ATRNL1: variants seen among roughly 807,000 people sequenced by gnomAD.
ATRNL1 encodes the protein attractin-like protein 1.
A neutral mutation model predicts 182.7 loss-of-function variants in ATRNL1; 95 were observed. The observed-to-expected ratio is 0.52, with a 90% confidence interval of 0.44 to 0.62. The LOEUF is 0.62. Among genes scored for constraint, ATRNL1 ranks in the 20% least tolerant of loss-of-function variants. The probability of loss-of-function intolerance (pLI) is 0.00; values close to 1 mark genes in which losing one functional copy is unlikely to be tolerated. For synonymous variants in ATRNL1, 576 were observed against 568.3 expected, an observed-to-expected ratio of 1.01 and a Z score of -0.19; for missense variants, 1,471 against 1,679.5, an observed-to-expected ratio of 0.88 and a Z score of 2.17.
At chr10:115,418,377 A>C (rs2047948885) in intron 20 of ATRNL1, among the ~76,000 whole-genome samples, 1 of 152,212 alleles carries the variant, frequency 6.6e-6, no homozygotes, top group Non-Finnish European at 1.5e-5. Context: ...GTGAGTTCAA[A>C]GGTAGGCTAT....
intron 26 of ATRNL1, among the ~76,000 whole-genome samples, chr10:115,692,178 CAA>C (rs1287621749): frequency 6.6e-6 from 1 of 152,104 alleles, no homozygotes; most frequent in East Asian, 1.9e-4. Context: ...CTATTTCCTC[CAA>C]CTATAGTAAG....
intron 26 of ATRNL1, among the ~76,000 whole-genome samples, chr10:115,638,041 T>C (rs555793947): frequency 1.3e-5 from 2 of 152,186 alleles, no homozygotes; most frequent in Admixed American, 6.6e-5. Context: ...TAAAGTAGTA[T>C]ACATTAATGT....
intron 27 of ATRNL1, among the ~76,000 whole-genome samples, chr10:115,769,572 T>C (rs1185159484): frequency 2.0e-5 from 3 of 152,154 alleles, no homozygotes; most frequent in Non-Finnish European, 4.4e-5. Context: ...CTCAGTACAT[T>C]GTAGTAACGG....
At chr10:115,360,601 C>CAA (rs35218125) in intron 19 of ATRNL1, among the ~76,000 whole-genome samples, 175 of 146,628 alleles carry the variant, frequency 1.2e-3, no homozygotes, top group African/African-American at 2.9e-3. Context: ...TTTTTTAAAG[C>CAA]AAAAAAAAAA....
intron 5 of ATRNL1, among the ~76,000 whole-genome samples, chr10:115,152,210 T>C (rs562724178): frequency 9.9e-5 from 15 of 152,266 alleles, no homozygotes; most frequent in Admixed American, 3.3e-4. Flanking sequence ...CTTTTTTGGT[T>C]CCATATGAAC....
At chr10:115,290,603 C>T (rs1554920549) in intron 15 of ATRNL1, among the ~76,000 whole-genome samples, 1 of 152,136 alleles carries the variant, frequency 6.6e-6, no homozygotes, top group African/African-American at 2.4e-5. Flanking sequence ...TTGCAGTGAG[C>T]TGAGGTCGTG....
At chr10:115,604,032 A>C (rs1308914003) in intron 26 of ATRNL1, among the ~76,000 whole-genome samples, 1 of 152,094 alleles carries the variant, frequency 6.6e-6, no homozygotes, top group African/African-American at 2.4e-5. Flanking sequence ...ATCTGCATAT[A>C]ATGTGTCATT....
At chr10:115,647,190 A>G (rs1440072121) in intron 26 of ATRNL1, among the ~76,000 whole-genome samples, 1 of 152,044 alleles carries the variant, frequency 6.6e-6, no homozygotes, top group Non-Finnish European at 1.5e-5. Flanking sequence ...TTCTTAATCC[A>G]GTCTATCACT....
At chr10:115,207,305 G>T (rs368854933) in intron 8 of ATRNL1, among the ~76,000 whole-genome samples, 1 of 152,060 alleles carries the variant, frequency 6.6e-6, no homozygotes, top group African/African-American at 2.4e-5. Flanking sequence ...AATCCCACCA[G>T]CAGTGTAAAA....
intron 26 of ATRNL1, among the ~76,000 whole-genome samples, chr10:115,696,299 TC>T (rs1270193450): frequency 1.3e-5 from 2 of 152,126 alleles, no homozygotes; most frequent in African/African-American, 4.8e-5. Flanking sequence ...CTGTGCATGG[TC>T]TTTATAATGG....
intron 26 of ATRNL1, among the ~76,000 whole-genome samples, chr10:115,677,550 C>A (rs1555043410): frequency 6.6e-6 from 1 of 152,052 alleles, no homozygotes; most frequent in Admixed American, 6.6e-5. Context: ...CTCACGAGAT[C>A]TGATGGGTTT....
At chr10:115,486,160 G>A (rs1849013606) in intron 24 of ATRNL1, among the ~76,000 whole-genome samples, 1 of 152,092 alleles carries the variant, frequency 6.6e-6, no homozygotes, top group Non-Finnish European at 1.5e-5. Context: ...GAGCATTTGG[G>A]TTGGTTCCAA....
In ATRNL1 at chr10:115,286,241, T is replaced by C; in HGVS notation, c.2259T>C (p.Ser753=). ...CTCATCTTTGTGGAGAAGGATGGAG[T>C]CATATTGGGGATGCTTGTCTTAGAG... ...LPAHLCGEGW[S]HIGDACLRVN... is the part of the protein sequence containing the mutation. The change falls in exon 15 of 29, where the codon AGT becomes AGC. Residue 753 remains serine, a synonymous_variant. Coordinates refer to ENST00000355044, the MANE Select transcript of ATRNL1 (RefSeq NM_207303.4). 6.3e-7 allele frequency: 1 copy of C among 1,589,054 alleles called. No individual in the cohort carries two copies. Among genetic ancestry groups the C allele is most frequent in the East Asian group, 2.3e-5 (1 of 44,344 alleles).
Position 115,301,965 on chromosome 10 carries a change from C to G in ATRNL1, c.2740C>G (p.Arg914Gly), listed in dbSNP as rs555650933. The G allele has an allele frequency of 1.2e-6, 2 of 1,614,052 alleles. No homozygotes were observed. Among genetic ancestry groups the G allele is most frequent in the South Asian group, 2.2e-5 (2 of 91,070 alleles). ...GTGTATGTGGTGCAGCAGTACGAAACGATGTGTTGACTCTAATGCCTATAT... is the reference window on the plus strand; with the variant it reads ...GTGTATGTGGTGCAGCAGTACGAAAGGATGTGTTGACTCTAATGCCTATAT... The part of the protein sequence containing the change: ...MECMWCSSTK[R>G]CVDSNAYIIS... Residue 914 changes from arginine (R) to glycine (G), a missense_variant, in exon 17 of 29, where the codon CGA (arginine) becomes GGA (glycine). Coordinates refer to ENST00000355044, the MANE Select transcript of ATRNL1 (RefSeq NM_207303.4).
chr10:115,381,925 A>G (rs540374130), intron 19 of ATRNL1, among the ~76,000 whole-genome samples: 1 of 152,110 alleles, frequency 6.6e-6, no homozygotes, highest in African/African-American at 2.4e-5. Flanking sequence ...ATGCATATCT[A>G]GTTGTCCTGC....
At chr10:115,684,124 G>A (rs1439066710) in intron 26 of ATRNL1, among the ~76,000 whole-genome samples, 1 of 151,456 alleles carries the variant, frequency 6.6e-6, no homozygotes, top group African/African-American at 2.4e-5. Context: ...TAATTGTAAG[G>A]AAAGTTGTTT....
chr10:115,678,194 C>T (rs1419350195), intron 26 of ATRNL1, among the ~76,000 whole-genome samples: 2 of 151,914 alleles, frequency 1.3e-5, no homozygotes, highest in Non-Finnish European at 2.9e-5. Context: ...TGGTTTTTAC[C>T]AAGCATTATT....
chr10:115,709,739 C>G (rs1443700553), intron 26 of ATRNL1, among the ~76,000 whole-genome samples: 15 of 151,792 alleles, frequency 9.9e-5, no homozygotes, highest in African/African-American at 3.6e-4. Context: ...TTATTCTAAC[C>G]CAAATTATTT....
intron 28 of ATRNL1, among the ~76,000 whole-genome samples, chr10:115,864,809 C>T (rs1951398706): frequency 6.6e-6 from 1 of 151,980 alleles, no homozygotes; most frequent in Non-Finnish European, 1.5e-5. Flanking sequence ...GATGAAACCC[C>T]GTCTCTATGA....
Sources: allele counts gnomAD v4.1 joint callset (sites outside exome capture counted in the v4.1 genomes callset), GRCh38; gene constraint gnomAD v4.1.1; transcripts MANE v1.5; gene names NCBI Gene and HGNC (gene_info 2026-07-23, HGNC 2026-07-21).